The following STT3B variants were observed in gnomAD, a reference collection of about 807,000 sequenced individuals.
STT3B encodes dolichyl-diphosphooligosaccharide--protein glycosyltransferase subunit STT3B.
In STT3B, 29 loss-of-function variants were observed where a neutral mutation model predicts 96.8. The ratio of observed to expected loss-of-function variants is 0.30; its 90% confidence interval spans 0.22 to 0.41. The LOEUF (loss-of-function observed/expected upper bound fraction) is 0.41. Ranked by LOEUF, STT3B falls within the 10% of genes least tolerant of loss-of-function variation. STT3B has a pLI of 1.00. For synonymous variants in STT3B, 367 were observed against 360.0 expected, an observed-to-expected ratio of 1.02 and a Z score of -0.22; for missense variants, 640 against 1,022.3, an observed-to-expected ratio of 0.63 and a Z score of 5.10.
intron 14 of STT3B, 135 bp from the exon 15 acceptor site, chr3:31,632,800 T>G (rs1440350640): frequency 2.7e-6 from 2 of 751,324 alleles, no homozygotes; most frequent in Admixed American, 2.7e-5. Context: ...TGAGAACTAT[T>G]AAGGTAGATA....
At chr3:31,609,918 C>A (rs560495083) in intron 5 of STT3B, among the ~76,000 whole-genome samples, 4 of 152,290 alleles carry the variant, frequency 2.6e-5, no homozygotes, top group African/African-American at 7.2e-5. Flanking sequence ...GTGTTTTGAA[C>A]ACGTAAGTAA....
chr3:31,622,573 A>T (rs1236357417), intron 10 of STT3B, among the ~76,000 whole-genome samples: 1 of 152,162 alleles, frequency 6.6e-6, no homozygotes, highest in Non-Finnish European at 1.5e-5. Context: ...TACCCTTGTT[A>T]ATATACCCTT....
intron 1 of STT3B, among the ~76,000 whole-genome samples, chr3:31,548,573 T>A (rs4356850): frequency 0.57 from 86,914 of 152,076 alleles, 27,742 homozygotes; most frequent in Non-Finnish European, 0.72. Context: ...TTAAATATGT[T>A]AAGGATGGTA....
intron 15 of STT3B, 60 bp from the exon 16 acceptor site, chr3:31,635,924 T>C: frequency 7.9e-7 from 1 of 1,259,444 alleles, no homozygotes; most frequent in Non-Finnish European, 1.1e-6. Context: ...TGTGTGTGTT[T>C]ATAGATTTTT....
intron 13 of STT3B, among the ~76,000 whole-genome samples, chr3:31,626,984 T>G (rs577334122): frequency 3.3e-5 from 5 of 152,218 alleles, no homozygotes; most frequent in Non-Finnish European, 7.3e-5. Context: ...TTGACTCACC[T>G]GACACGTGTG....
chr3:31,627,437 A>G (rs1449331010), intron 13 of STT3B, among the ~76,000 whole-genome samples: 1 of 152,204 alleles, frequency 6.6e-6, no homozygotes, highest in South Asian at 2.1e-4. Context: ...TGGTGCCAAA[A>G]AGGTTGGGAA....
intron 15 of STT3B, 178 bp downstream of exon 15, chr3:31,633,325 A>T: frequency 1.6e-6 from 1 of 624,258 alleles, no homozygotes; most frequent in Non-Finnish European, 2.7e-6. Context: ...CAAACTGAGC[A>T]CTTCAGATAT....
In STT3B at chr3:31,579,932, A is replaced by G. The variant is rs759549093; in HGVS notation, c.547A>G (p.Ile183Val). ...ACCAACTTTTAGCGGCCTTACATCTATATCTACTTTCCTGCTTACAAGAGA... is the reference window on the plus strand; with the variant it reads ...ACCAACTTTTAGCGGCCTTACATCTGTATCTACTTTCCTGCTTACAAGAGA... ...LAPTFSGLTS[I>V]STFLLTRELW... The change falls in exon 3 of 16, where the codon ATA (isoleucine) becomes GTA (valine). Residue 183 changes from isoleucine (I) to valine (V), a missense_variant. This residue lies in a region of STT3B where 267 missense variants were observed against 388.3 expected (regional missense o/e 0.69). Coordinates refer to ENST00000295770, the MANE Select transcript of STT3B (RefSeq NM_178862.3). 9.9e-6 allele frequency: 16 copies of G among 1,613,770 alleles called. No homozygotes were observed. The highest frequency in any genetic ancestry group is 6.6e-5 in the South Asian group (6 of 91,080).
intron 15 of STT3B, among the ~76,000 whole-genome samples, chr3:31,634,096 C>G (rs1393625476): frequency 6.6e-6 from 1 of 151,992 alleles, no homozygotes; most frequent in African/African-American, 2.4e-5. Context: ...TGAATATGTG[C>G]CAGATGTAAA....
At chr3:31,553,349 T>C (rs111525478) in intron 1 of STT3B, among the ~76,000 whole-genome samples, 35 of 152,304 alleles carry the variant, frequency 2.3e-4, no homozygotes, top group African/African-American at 8.4e-4. Flanking sequence ...TACAGCCTTA[T>C]TATTTCCTCC....
At chr3:31,564,581 C>T (rs1253210277) in intron 1 of STT3B, among the ~76,000 whole-genome samples, 2 of 152,186 alleles carry the variant, frequency 1.3e-5, no homozygotes, top group African/African-American at 4.8e-5. Context: ...AATAACCACT[C>T]ATAAAATGTT....
At chr3:31,621,948 AGTT>A (rs1160949914) in intron 9 of STT3B, 146 bp from the exon 10 acceptor site, 4 of 601,628 alleles carry the variant, frequency 6.6e-6, no homozygotes, top group Non-Finnish European at 8.9e-6. Flanking sequence ...CTAATTAATC[AGTT>A]GTTCAGTAGT....
At chr3:31,585,470 C>T (rs1190171552) in intron 3 of STT3B, among the ~76,000 whole-genome samples, 7 of 152,016 alleles carry the variant, frequency 4.6e-5, no homozygotes, top group Admixed American at 2.6e-4. Context: ...TTATTATTTA[C>T]GAGCACCAGA....
rs923781736 is a variant in STT3B, at chr3:31,600,546, T to C, written c.877+87T>C. ...TGAAGAGATATTTCTATTTGGTCAA[T>C]ATTATGCATGAAAAGGTAAAAATAA... is the stretch of plus-strand genomic sequence containing the variant. On this transcript the variant is annotated intron_variant, in intron 5 of 15. Coordinates refer to ENST00000295770, the MANE Select transcript of STT3B (RefSeq NM_178862.3). The C allele has an allele frequency of 5.9e-5, 33 of 561,598 alleles. No individual in the cohort carries two copies. The South Asian group carries it at 5.9e-4, about 10-fold the overall frequency. 34.8% of individuals were successfully genotyped at this position (561,598 alleles called of 1,614,324 possible).
chr3:31,568,001 CT>C (rs1184099163), intron 1 of STT3B, among the ~76,000 whole-genome samples: 7 of 151,848 alleles, frequency 4.6e-5, no homozygotes, highest in Non-Finnish European at 1.0e-4. Context: ...TTTTGCCCCC[CT>C]CTCTACCACC....
At position 31,579,892 on chromosome 3, in the gene STT3B, A is replaced by G. The variant is rs374314207; in HGVS notation, c.507A>G (p.Val169=). 9 of 1,613,884 alleles carry G rather than the reference A, an allele frequency of 5.6e-6. No homozygotes were observed. The African/African-American group carries it at 9.3e-5, about 17-fold the overall frequency. ...TLNITVHIRD[V]CVFLAPTFSG... The stretch of plus-strand genomic sequence containing the variant: ...ACATAACTGTTCACATAAGAGACGT[A>G]TGTGTGTTCCTTGCACCAACTTTTA... The change falls in exon 3 of 16, where the codon GTA becomes GTG. Residue 169 remains valine (V), a synonymous_variant. Transcript: ENST00000295770.
At chr3:31,607,743 T>C (rs952273497) in intron 5 of STT3B, among the ~76,000 whole-genome samples, 1 of 90,448 alleles carries the variant, frequency 1.1e-5, no homozygotes, top group African/African-American at 4.2e-5. Context: ...TTTTTTGTTG[T>C]TTTTGGGGGG....
In STT3B at chr3:31,533,440, G is replaced by GC. The variant is rs1696996125; in HGVS notation, c.314+130dup. On this transcript the variant is annotated intron_variant, in intron 1 of 15. Transcript: ENST00000295770. ...GAGCCCCGCTCGCGTCCTGGCTGAG[G>GC]CCGGCGCGGATCCCGGAGCTCCGGG... The GC allele has an allele frequency of 3.3e-6, 4 of 1,199,792 alleles. No homozygotes were observed. In the South Asian group the frequency reaches 1.1e-4, roughly 34 times the overall value. The allele number at this position is 1,199,792 out of a possible 1,614,324, so 74.3% of individuals were successfully genotyped here.
At chr3:31,626,560 A>G (rs996085606) in intron 13 of STT3B, among the ~76,000 whole-genome samples, 13 of 152,174 alleles carry the variant, frequency 8.5e-5, no homozygotes, top group Admixed American at 4.6e-4. Context: ...AAAGACTTCA[A>G]TAGATTAAGG....
Sources: allele counts gnomAD v4.1 joint callset (sites outside exome capture counted in the v4.1 genomes callset), GRCh38; gene constraint gnomAD v4.1.1; regional missense constraint gnomAD v4.1.1; transcripts MANE v1.5; gene names NCBI Gene and HGNC (gene_info 2026-07-23, HGNC 2026-07-21).